The following MEGF6 variants were observed in gnomAD, a reference collection of about 807,000 sequenced individuals.
MEGF6 encodes multiple EGF like domains 6, also known as multiple epidermal growth factor-like domains protein 6.
In MEGF6, 184 loss-of-function variants were observed where a neutral mutation model predicts 207.1. The observed-to-expected ratio is 0.89, with a 90% CI of 0.79 to 1.00. The LOEUF (loss-of-function observed/expected upper bound fraction) is 1.00. MEGF6 is among the 50% of genes least tolerant of loss of function. MEGF6 has a pLI of 0.00. For synonymous variants in MEGF6, 1,038 were observed against 910.0 expected (o/e 1.14, Z -2.53); for missense variants, 2,282 against 2,202.9 (o/e 1.04, Z -0.72).
intron 30 of MEGF6, among the ~76,000 whole-genome samples, chr1:3,495,301 A>G (rs1314206969): frequency 6.6e-6 from 1 of 152,166 alleles, no homozygotes. Context: ...ATGAGCCCAG[A>G]AGGCCAAGAA....
At chr1:3,572,027 A>G (rs76363696) in intron 4 of MEGF6, among the ~76,000 whole-genome samples, 14 of 90,108 alleles carry the variant, frequency 1.6e-4, no homozygotes, top group South Asian at 8.0e-4. Flanking sequence ...TGAGTGTGCT[A>G]GGTCCTTCCC....
In MEGF6 at chr1:3,555,625, C is replaced by T. The variant is rs191189645; in HGVS notation, c.481+24200G>A. 4.2e-3 allele frequency among the ~76,000 whole-genome samples: 647 copies of T among 152,280 alleles called. 7 individuals are homozygous for T. Among genetic ancestry groups the T allele is most frequent in the African/African-American group, 0.015 (611 of 41,552 alleles). On this transcript the variant is annotated intron_variant, in intron 4 of 36. Transcript: ENST00000356575. ...GGTTCTCATGGCTGCAAAGGGGGCC[C>T]CAGGGAGCTGAACCCGTCAGTGAAA...
chr1:3,536,731 C>T (rs997165029), intron 4 of MEGF6, among the ~76,000 whole-genome samples: 3 of 152,354 alleles, frequency 2.0e-5, no homozygotes, highest in East Asian at 1.9e-4. Context: ...AGCTTCTCCC[C>T]TCTCCAAGCT....
chr1:3,497,183 G>A, intron 27 of MEGF6, 50 bp downstream of exon 27: 1 of 1,533,934 alleles, frequency 6.5e-7, no homozygotes, highest in African/African-American at 1.4e-5. Flanking sequence ...AGCCTCTCTG[G>A]ATTCCCCCTG....
rs567229169 is a variant in MEGF6, at chr1:3,488,339, C to T, written c.*2189G>A. ...AGCTGAACACTGTGTCTTCACTGAG[C>T]GGGATGAGTGATTGGTACCTGCCAG... is the stretch of plus-strand genomic sequence containing the variant. On this transcript the variant is annotated 3_prime_UTR_variant, in exon 37 of 37. Coordinates refer to ENST00000356575, the MANE Select transcript of MEGF6 (RefSeq NM_001409.4). 3.9e-5 allele frequency among the ~76,000 whole-genome samples: 6 copies of T among 152,160 alleles called. No individual in the cohort carries two copies. The highest frequency in any genetic ancestry group is 1.3e-4 in the Admixed American group (2 of 15,264).
chr1:3,601,270 C>A lies in MEGF6; in HGVS notation c.266+1196G>T, dbSNP rs529072655. 3.9e-5 allele frequency among the ~76,000 whole-genome samples: 6 copies of A among 152,368 alleles called. No homozygotes were observed. The South Asian group carries it at 1.2e-3, about 32-fold the overall frequency. On this transcript the variant is annotated intron_variant, in intron 2 of 36. Transcript: ENST00000356575. ...TTCTAGAAACAGAGCTCTTCCACCA[C>A]GAGCTGTTGGCGGGAGACCTGGCTG...
chr1:3,591,186 C>T (rs1056687021), intron 3 of MEGF6, among the ~76,000 whole-genome samples: 5 of 152,330 alleles, frequency 3.3e-5, no homozygotes, highest in Admixed American at 6.5e-5. Context: ...AGATGGGAAG[C>T]GCACGGCAGA....
chr1:3,509,972 T>G lies in MEGF6; in HGVS notation c.1255A>C (p.Ser419Arg). 1 of 1,585,954 alleles carries G rather than the reference T, an allele frequency of 6.3e-7. No individual in the cohort carries two copies. The highest frequency in any genetic ancestry group is 8.5e-7 in the Non-Finnish European group (1 of 1,171,968). ...GCEDVDECASSRGGCEHHCTN... is the reference protein window; with the variant it reads ...GCEDVDECASRRGGCEHHCTN... ...CAGTGGTGCTCGCAGCCGCCACGGCTGGAGGCGCACTCATCCACATCTGCG... is the reference window on the plus strand; with the variant it reads ...CAGTGGTGCTCGCAGCCGCCACGGCGGGAGGCGCACTCATCCACATCTGCG... The change falls in exon 11 of 37, where the codon AGC (serine) becomes CGC (arginine). Residue 419 changes from serine to arginine, a missense_variant. Transcript: ENST00000356575.
At chr1:3,611,791 C>G (rs998909485), upstream of MEGF6, among the ~76,000 whole-genome samples, 4 of 151,072 alleles carry the variant, frequency 2.6e-5, no homozygotes, top group African/African-American at 9.7e-5. Flanking sequence ...CCAGACCCCG[C>G]GGGGCTGGCG....
intron 3 of MEGF6, among the ~76,000 whole-genome samples, chr1:3,587,711 C>G (rs1430103909): frequency 6.6e-6 from 1 of 152,222 alleles, no homozygotes; most frequent in Non-Finnish European, 1.5e-5. Flanking sequence ...ACCTGGCTAT[C>G]TCTGAGCCTG....
chr1:3,509,237 C>T lies in MEGF6; in HGVS notation c.1366G>A (p.Glu456Lys), dbSNP rs538037160. 5.1e-5 allele frequency: 76 copies of T among 1,503,080 alleles called. No individual in the cohort carries two copies. The Admixed American group carries it at 1.7e-3, about 33-fold the overall frequency. 93.1% of individuals were successfully genotyped at this position (1,503,080 alleles called of 1,614,324 possible). A position where few individuals can be genotyped will look rare whatever the true frequency, so the allele number is the denominator to read the frequency against. Residue 456 changes from glutamate (E) to lysine (K), a missense_variant, in exon 12 of 37, where the codon GAG (glutamate) becomes AAG (lysine). Physicochemically the swap from Glu to Lys is moderately conservative, Grantham distance 56. Coordinates refer to ENST00000356575, the MANE Select transcript of MEGF6 (RefSeq NM_001409.4). ...EDRRGCSPLE[E>K]PMVDLDGELP... ...TCGCCGTCCAGGTCCACCATCGGCT[C>T]CTCCAGGGCTGCCAGGGGCACAGAG... is the stretch of plus-strand genomic sequence containing the variant.
At chr1:3,531,142 C>A in intron 4 of MEGF6, 1 of 1,529,612 alleles carries the variant, frequency 6.5e-7, no homozygotes. Flanking sequence ...TGGGTAGCAG[C>A]CCCTCCAGAG....
chr1:3,618,710 G>A, the MEGF6 span, among the ~76,000 whole-genome samples: 3 of 152,254 alleles, frequency 2.0e-5, no homozygotes, highest in South Asian at 2.1e-4. This position sits in a 1 kb window ranked among gnomAD's most constrained non-coding sequence, Gnocchi z 4.7. Flanking sequence ...GAGCGCTCAC[G>A]ACTGCCCCAA....
intron 2 of MEGF6, among the ~76,000 whole-genome samples, chr1:3,597,336 T>C (rs1339220534): frequency 6.6e-6 from 1 of 151,652 alleles, no homozygotes; most frequent in East Asian, 2.0e-4. Context: ...GACGCCTGGG[T>C]CCTCACCCCT....
At chr1:3,551,477 G>A (rs1642882811) in intron 4 of MEGF6, among the ~76,000 whole-genome samples, 1 of 152,114 alleles carries the variant, frequency 6.6e-6, no homozygotes, top group African/African-American at 2.4e-5. Flanking sequence ...GCCTCCCCTG[G>A]GACCAGGCAC....
Position 3,560,278 on chromosome 1 carries a change from G to A in MEGF6, c.481+19547C>T, listed in dbSNP as rs917313178. ...CAATCCTCCATTGGAATGACCGCTT[G>A]GTACAGCGGACGAGCCCACGTTGAC... On this transcript the variant is annotated intron_variant, in intron 4 of 36. Transcript: ENST00000356575. The surrounding 1 kb of genome is among the most constrained non-coding windows in gnomAD (Gnocchi z 4.0). 6.6e-6 allele frequency among the ~76,000 whole-genome samples: 1 copy of A among 152,178 alleles called. No individual in the cohort carries two copies. Among genetic ancestry groups the A allele is most frequent in the Non-Finnish European group, 1.5e-5 (1 of 68,032 alleles).
At chr1:3,581,189 C>T (rs1643788649) in intron 3 of MEGF6, among the ~76,000 whole-genome samples, 2 of 152,328 alleles carry the variant, frequency 1.3e-5, no homozygotes, top group South Asian at 4.1e-4. Context: ...AGCACCCAAA[C>T]CTGGACTTGG....
chr1:3,503,076 G>C (rs1263453566), intron 17 of MEGF6, among the ~76,000 whole-genome samples: 1 of 152,206 alleles, frequency 6.6e-6, no homozygotes, highest in Non-Finnish European at 1.5e-5. Context: ...GAGCCAGGAT[G>C]TGCCCTGCCT....
At chr1:3,535,749 G>T (rs1373096934) in intron 4 of MEGF6, among the ~76,000 whole-genome samples, 1 of 152,254 alleles carries the variant, frequency 6.6e-6, no homozygotes, top group Non-Finnish European at 1.5e-5. Context: ...TTCCAGAGGA[G>T]AAATGACTTC....
Sources: allele counts gnomAD v4.1 joint callset (sites outside exome capture counted in the v4.1 genomes callset), GRCh38; gene constraint gnomAD v4.1.1; non-coding constraint Gnocchi (gnomAD v3.1); transcripts MANE v1.5; gene names NCBI Gene and HGNC (gene_info 2026-07-23, HGNC 2026-07-21).